Variants in TECRL observed in about 807,000 individuals in gnomAD.
TECRL encodes the protein trans-2,3-enoyl-CoA reductase like, also known as trans-2,3-enoyl-CoA reductase-like.
A neutral mutation model predicts 52.8 loss-of-function variants in TECRL; 63 were observed. That is an observed-to-expected ratio of 1.19 (90% CI 0.97 to 1.47). TECRL has a LOEUF of 1.47. Ranked by LOEUF, TECRL falls within the 40% of genes most tolerant of loss-of-function variation. The pLI, the probability that TECRL is intolerant of heterozygous loss-of-function variation, is 0.00. For synonymous variants in TECRL, 164 were observed against 141.9 expected (o/e 1.16, Z -1.10); for missense variants, 482 against 429.6 (o/e 1.12, Z -1.08).
At chr4:64,333,969 A>T (rs2110057366) in intron 2 of TECRL, among the ~76,000 whole-genome samples, 2 of 128,110 alleles carry the variant, frequency 1.6e-5, no homozygotes, top group Middle Eastern at 4.3e-3. Flanking sequence ...GCTTGCAGTG[A>T]GCCGAGATTG....
At chr4:64,327,408 G>T (rs1378223951) in intron 3 of TECRL, among the ~76,000 whole-genome samples, 1 of 151,968 alleles carries the variant, frequency 6.6e-6, no homozygotes. Context: ...TGACAATGTT[G>T]TCTGTGACAC....
chr4:64,299,818 A>G (rs1433662244), intron 8 of TECRL, among the ~76,000 whole-genome samples, 156 bp downstream of exon 8: 2 of 150,906 alleles, frequency 1.3e-5, no homozygotes, highest in Non-Finnish European at 3.0e-5. Flanking sequence ...AGACTTGATT[A>G]TAGAAAGTTA....
chr4:64,301,141 T>C (rs1252297475), intron 7 of TECRL, among the ~76,000 whole-genome samples: 2 of 150,830 alleles, frequency 1.3e-5, no homozygotes, highest in African/African-American at 4.8e-5. Context: ...AAATAAAAAA[T>C]ATTAGCAGAG....
At chr4:64,317,757 G>A (rs1056087776) in intron 4 of TECRL, among the ~76,000 whole-genome samples, 2 of 152,058 alleles carry the variant, frequency 1.3e-5, no homozygotes, top group African/African-American at 4.8e-5. Flanking sequence ...GAGAAAAACT[G>A]ATCAAAATAT....
chr4:64,392,334 T>C (rs1266937077), intron 1 of TECRL, among the ~76,000 whole-genome samples: 1 of 151,810 alleles, frequency 6.6e-6, no homozygotes, highest in African/African-American at 2.4e-5. Flanking sequence ...GTAATATTTA[T>C]TTGCGTCTAC....
chr4:64,393,037 A>G (rs1293847450), intron 1 of TECRL, among the ~76,000 whole-genome samples: 1 of 151,966 alleles, frequency 6.6e-6, no homozygotes, highest in Non-Finnish European at 1.5e-5. Flanking sequence ...CTGTAGTATC[A>G]TTTGTGCTTG....
chr4:64,372,983 A>G (rs147512405), intron 2 of TECRL, among the ~76,000 whole-genome samples: 1 of 151,872 alleles, frequency 6.6e-6, no homozygotes, highest in African/African-American at 2.4e-5. Context: ...TAAGGCAATT[A>G]AGAGAGAAGT....
chr4:64,300,001 T>G lies in TECRL; in HGVS notation c.747A>C (p.Gln249His). The stretch of plus-strand genomic sequence containing the variant: ...GAAAATTGATAGCAGATACTGTGAT[T>G]TGCCTGTTTCCAAATGCTGGAGAGT... ...LYTPPSFGNR[Q>H]ITVSAINFLI... Residue 249 changes from glutamine to histidine, a missense_variant, in exon 8 of 12, where the codon CAA becomes CAC. Gln to His is a conservative substitution (Grantham distance 24, BLOSUM62 0). Transcript: ENST00000381210. The G allele has an allele frequency of 6.3e-7, 1 of 1,582,048 alleles. No individual in the cohort carries two copies. Among genetic ancestry groups the G allele is most frequent in the Non-Finnish European group, 8.6e-7 (1 of 1,161,402 alleles).
At chr4:64,287,912 C>T (rs970322643) in intron 9 of TECRL, among the ~76,000 whole-genome samples, 2 of 151,884 alleles carry the variant, frequency 1.3e-5, no homozygotes, top group African/African-American at 4.8e-5. Context: ...TTTGGGAGGC[C>T]GAGGCAGGCA....
chr4:64,371,838 G>T (rs1380715345), intron 2 of TECRL, among the ~76,000 whole-genome samples: 1 of 151,596 alleles, frequency 6.6e-6, no homozygotes, highest in Non-Finnish European at 1.5e-5. Flanking sequence ...AGTGTAATTT[G>T]CTATGATTTT....
In TECRL at chr4:64,403,693, A is replaced by G. The variant is rs187719338; in HGVS notation, c.234+5425T>C. Among the ~76,000 whole-genome samples, 38 of 152,152 alleles carry G rather than the reference A, an allele frequency of 2.5e-4. No homozygotes were observed. The East Asian group carries it at 7.0e-3, about 28-fold the overall frequency. ...CACACTCTCAGATTTATACTAATATAGAAGACTTTCTGAATTCAACTCCCA... is the reference window on the plus strand; with the variant it reads ...CACACTCTCAGATTTATACTAATATGGAAGACTTTCTGAATTCAACTCCCA... On this transcript the variant is annotated intron_variant, in intron 1 of 11. Transcript: ENST00000381210.
At chr4:64,331,941 T>C (rs757884035) in intron 2 of TECRL, among the ~76,000 whole-genome samples, 1 of 152,132 alleles carries the variant, frequency 6.6e-6, no homozygotes, top group African/African-American at 2.4e-5. Flanking sequence ...TTAATTGCAA[T>C]GACAAACTAC....
chr4:64,341,075 G>A (rs961220840), intron 2 of TECRL, among the ~76,000 whole-genome samples: 5 of 152,122 alleles, frequency 3.3e-5, no homozygotes, highest in African/African-American at 9.7e-5. Context: ...CCCATGGAGA[G>A]GAGCTTCCCA....
chr4:64,406,161 C>T (rs80337835), intron 1 of TECRL, among the ~76,000 whole-genome samples: 88,133 of 149,202 alleles, frequency 0.59, 29,161 homozygotes, highest in Non-Finnish European at 0.74. Flanking sequence ...CGCGCGCGCG[C>T]GCGCGTGTGT....
chr4:64,395,110 AG>A, intron 1 of TECRL, among the ~76,000 whole-genome samples: 1 of 151,814 alleles, frequency 6.6e-6, no homozygotes, highest in Non-Finnish European at 1.5e-5. Flanking sequence ...CAGATTGGCC[AG>A]GCTGGTCTAT....
chr4:64,286,226 T>C (rs571652569), intron 9 of TECRL, among the ~76,000 whole-genome samples: 3 of 151,408 alleles, frequency 2.0e-5, no homozygotes, highest in East Asian at 1.9e-4. Flanking sequence ...AAAATAGATA[T>C]GGAAAAAAAA....
At chr4:64,322,643 G>T in intron 4 of TECRL, 46 bp downstream of exon 4, 1 of 1,341,042 alleles carries the variant, frequency 7.5e-7, no homozygotes, top group Non-Finnish European at 1.0e-6. Flanking sequence ...AAATTATTTA[G>T]AGCAAAATAT....
chr4:64,280,034 A>G lies in TECRL; in HGVS notation c.*38T>C, dbSNP rs757706380. ...TAACTAAGTCTTATTTATTGAATTTATATGTTGCTGTTTTCTATAGGAGAT... is the reference window on the plus strand; with the variant it reads ...TAACTAAGTCTTATTTATTGAATTTGTATGTTGCTGTTTTCTATAGGAGAT... On this transcript the variant is annotated 3_prime_UTR_variant, in exon 12 of 12. Coordinates refer to ENST00000381210, the MANE Select transcript of TECRL (RefSeq NM_001010874.5). The G allele has an allele frequency of 6.4e-7, 1 of 1,557,740 alleles. No individual in the cohort carries two copies. The highest frequency in any genetic ancestry group is 1.2e-5 in the South Asian group (1 of 83,754).
chr4:64,359,900 C>T (rs1721051676), intron 2 of TECRL, among the ~76,000 whole-genome samples: 2 of 151,996 alleles, frequency 1.3e-5, no homozygotes, highest in African/African-American at 2.4e-5. Context: ...CAAATACAGC[C>T]TGAATAGTAT....
Sources: gnomAD v4.1 joint callset for allele counts (sites outside exome capture counted in the v4.1 genomes callset) on GRCh38, gnomAD v4.1.1 for gene constraint, MANE v1.5 for transcripts, NCBI Gene and HGNC (gene_info 2026-07-23, HGNC 2026-07-21) for gene names.